TRIM71: variants seen among roughly 807,000 people sequenced by gnomAD.
TRIM71 encodes tripartite motif containing 71.
Under a neutral mutation model 61.2 loss-of-function variants are expected in TRIM71, and 9 were observed. That is an observed-to-expected ratio of 0.15 (90% CI 0.09 to 0.26). The LOEUF (loss-of-function observed/expected upper bound fraction) is 0.26, where lower values mean the gene tolerates loss of function less well. TRIM71 is among the 10% of genes least tolerant of loss of function. The pLI, the probability that TRIM71 is intolerant of heterozygous loss-of-function variation, is 1.00. For synonymous variants in TRIM71, 645 were observed against 553.2 expected (o/e 1.17, Z -2.33); for missense variants, 998 against 1,238.7 (o/e 0.81, Z 2.92).
chr3:32,833,865 C>T (rs1352197378), intron 1 of TRIM71, among the ~76,000 whole-genome samples: 1 of 151,972 alleles, frequency 6.6e-6, no homozygotes, highest in Non-Finnish European at 1.5e-5. Flanking sequence ...CTATGCCCCA[C>T]CCCCATCCTT....
intron 1 of TRIM71, among the ~76,000 whole-genome samples, chr3:32,861,974 C>T (rs1696674579): frequency 1.3e-5 from 2 of 152,248 alleles, no homozygotes; most frequent in South Asian, 4.1e-4. Flanking sequence ...CACTGCTTCC[C>T]AGGATTGGTC....
intron 1 of TRIM71, among the ~76,000 whole-genome samples, chr3:32,824,852 T>G (rs1056283629): frequency 6.6e-6 from 1 of 152,164 alleles, no homozygotes; most frequent in Admixed American, 6.5e-5. Context: ...TGGAGTTCAG[T>G]GGCGCGATCT....
intron 1 of TRIM71, among the ~76,000 whole-genome samples, chr3:32,870,010 T>C (rs1344534900): frequency 4.6e-5 from 7 of 152,234 alleles, no homozygotes. Flanking sequence ...TACTACCACA[T>C]TTCTGGCTAT....
At chr3:32,834,018 C>T (rs987659277) in intron 1 of TRIM71, among the ~76,000 whole-genome samples, 7 of 152,210 alleles carry the variant, frequency 4.6e-5, no homozygotes, top group South Asian at 2.1e-4. Context: ...GAGGAAAATT[C>T]GTTTTTCCAA....
intron 1 of TRIM71, among the ~76,000 whole-genome samples, chr3:32,872,313 C>T (rs1310160454): frequency 2.0e-5 from 3 of 152,142 alleles, no homozygotes; most frequent in African/African-American, 7.2e-5. Flanking sequence ...TTACACACTT[C>T]CCTATTAACT....
In TRIM71 at chr3:32,818,758, G is replaced by A. The variant is rs777775054; in HGVS notation, c.678G>A (p.Ala226=). The change falls in exon 1 of 4, where the codon GCG becomes GCA. Residue 226 remains alanine, a synonymous_variant. Transcript: ENST00000383763. ...ACCTGTGCGACAACTGCGTCCGAGC[G>A]CACCAGCGCGTGCGCCTCACCAAGG... ...QEHLCDNCVR[A]HQRVRLTKDH... is the part of the protein sequence containing the mutation. 6.2e-7 allele frequency: 1 copy of A among 1,605,528 alleles called. No individual in the cohort carries two copies.
intron 1 of TRIM71, among the ~76,000 whole-genome samples, chr3:32,828,502 CTTTT>C (rs67014189): frequency 4.3e-5 from 4 of 93,246 alleles, no homozygotes; most frequent in Admixed American, 1.5e-4. Context: ...CAATTGTAAA[CTTTT>C]TTTTTTTTTT....
chr3:32,887,754 C>T (rs1696976887), intron 3 of TRIM71, among the ~76,000 whole-genome samples: 1 of 152,066 alleles, frequency 6.6e-6, no homozygotes, highest in African/African-American at 2.4e-5. Context: ...GGAGGTTTGG[C>T]CTAATGGGCA....
chr3:32,867,414 T>G (rs1306369157), intron 1 of TRIM71, among the ~76,000 whole-genome samples: 4 of 152,210 alleles, frequency 2.6e-5, no homozygotes, highest in African/African-American at 9.6e-5. Flanking sequence ...AAAATTATTT[T>G]ATTGACAAAA....
chr3:32,851,816 T>C (rs1253964678), intron 1 of TRIM71, among the ~76,000 whole-genome samples: 1 of 152,210 alleles, frequency 6.6e-6, no homozygotes, highest in Non-Finnish European at 1.5e-5. Context: ...GCAGTTCTAC[T>C]GTGTGACATT....
At chr3:32,865,791 GGCCCCCC>G (rs1696727104) in intron 1 of TRIM71, among the ~76,000 whole-genome samples, 1 of 50,334 alleles carries the variant, frequency 2.0e-5, no homozygotes, top group East Asian at 1.5e-3. Context: ...GCCGCCCGCC[GGCCCCCC>G]CCCCCCCCCG....
At chr3:32,843,847 G>A (rs1696439547) in intron 1 of TRIM71, among the ~76,000 whole-genome samples, 1 of 152,144 alleles carries the variant, frequency 6.6e-6, no homozygotes, top group Non-Finnish European at 1.5e-5. Flanking sequence ...GCAAACCAGG[G>A]TGTGGGCAAG....
At chr3:32,886,217 T>A (rs1696960373) in intron 3 of TRIM71, 149 bp downstream of exon 3, 1 of 1,121,176 alleles carries the variant, frequency 8.9e-7, no homozygotes, top group African/African-American at 1.6e-5. Context: ...AGCAGAAAGA[T>A]GCAGGGGGTC....
chr3:32,861,922 CT>C (rs1232140281), intron 1 of TRIM71, among the ~76,000 whole-genome samples: 1 of 152,220 alleles, frequency 6.6e-6, no homozygotes, highest in African/African-American at 2.4e-5. Flanking sequence ...ACGGGTACTT[CT>C]TGGCATTCAG....
chr3:32,824,023 C>T (rs1201528470), intron 1 of TRIM71, among the ~76,000 whole-genome samples: 1 of 151,232 alleles, frequency 6.6e-6, no homozygotes, highest in Non-Finnish European at 1.5e-5. Flanking sequence ...CGCAGTGATC[C>T]GAGATCGTGC....
intron 1 of TRIM71, among the ~76,000 whole-genome samples, chr3:32,843,688 G>A (rs1314631596): frequency 2.0e-5 from 3 of 152,162 alleles, no homozygotes; most frequent in Admixed American, 6.5e-5. Flanking sequence ...TGCTTATCCC[G>A]TTACCCGCTG....
At position 32,818,006 on chromosome 3, in the gene TRIM71, C is replaced by T; in HGVS notation, c.-75C>T. On this transcript the variant is annotated 5_prime_UTR_variant, in exon 1 of 4. Coordinates refer to ENST00000383763, the MANE Select transcript of TRIM71 (RefSeq NM_001039111.3). ...TCTGAGTGAGTCGGTGACTCCCCCACCCACCTCGTCCGCTCTCTCCTCCTC... is the reference window on the plus strand; with the variant it reads ...TCTGAGTGAGTCGGTGACTCCCCCATCCACCTCGTCCGCTCTCTCCTCCTC... 20 of 1,406,058 alleles carry T rather than the reference C, an allele frequency of 1.4e-5. No homozygotes were observed. Among genetic ancestry groups the T allele is most frequent in the Non-Finnish European group, 2.0e-5 (20 of 1,009,668 alleles). 87.1% of individuals were successfully genotyped at this position (1,406,058 alleles called of 1,614,324 possible).
chr3:32,874,953 T>C (rs979872372), intron 2 of TRIM71, among the ~76,000 whole-genome samples: 2 of 152,180 alleles, frequency 1.3e-5, no homozygotes, highest in Non-Finnish European at 2.9e-5. Context: ...CCCAAGTAGC[T>C]GGGGTTACAG....
chr3:32,833,719 G>A (rs1331176714), intron 1 of TRIM71, among the ~76,000 whole-genome samples: 2 of 151,174 alleles, frequency 1.3e-5, no homozygotes, highest in African/African-American at 2.4e-5. Flanking sequence ...AGAATGACCT[G>A]ACTTTTTTGT....
Sources: gnomAD v4.1 joint callset for allele counts (sites outside exome capture counted in the v4.1 genomes callset) on GRCh38, gnomAD v4.1.1 for gene constraint, MANE v1.5 for transcripts, NCBI Gene and HGNC (gene_info 2026-07-23, HGNC 2026-07-21) for gene names.